Variants in FKBP1A observed in about 807,000 individuals in gnomAD.
FKBP1A encodes peptidyl-prolyl cis-trans isomerase FKBP1A.
In FKBP1A, 5 loss-of-function variants were observed where a neutral mutation model predicts 14.2. That is an observed-to-expected ratio of 0.35 (90% CI 0.18 to 0.74). The LOEUF (loss-of-function observed/expected upper bound fraction) is 0.74, where lower values mean the gene tolerates loss of function less well. Ranked by LOEUF, FKBP1A falls within the 30% of genes least tolerant of loss-of-function variation. The pLI is 0.56. For missense variants in FKBP1A, 53 were observed against 138.8 expected, an observed-to-expected ratio of 0.38 and a Z score of 3.10; for synonymous variants, 42 against 49.1, an observed-to-expected ratio of 0.86 and a Z score of 0.60.
chr20:1,383,431 A>ATTT (rs757687593), intron 2 of FKBP1A, among the ~76,000 whole-genome samples: 8 of 152,160 alleles, frequency 5.3e-5, no homozygotes, highest in Non-Finnish European at 4.4e-5. Flanking sequence ...CCTTCAAAAT[A>ATTT]AAATAAAGTC....
chr20:1,371,915 GCATACACTA>G (rs1174764707), intron 4 of FKBP1A, 152 bp downstream of exon 4: 31 of 1,395,670 alleles, frequency 2.2e-5, no homozygotes, highest in Non-Finnish European at 2.8e-5. Context: ...TACATTCAAA[GCATACACTA>G]ATAACACTGA....
intron 2 of FKBP1A, chr20:1,377,572 A>G (rs1345695038): frequency 6.6e-6 from 1 of 152,190 alleles, no homozygotes; most frequent in African/African-American, 2.4e-5. Context: ...AGTACCTGGG[A>G]GAAAAACAGG....
chr20:1,390,049 C>T lies in FKBP1A; in HGVS notation c.85+2785G>A, dbSNP rs56758984. 4.1e-3 allele frequency among the ~76,000 whole-genome samples: 623 copies of T among 152,232 alleles called. 4 individuals carry two copies. Among genetic ancestry groups the T allele is most frequent in the African/African-American group, 0.014 (594 of 41,544 alleles). ...AGGTCACGGAAGTCACCAGAGGGAC[C>T]CTTGAGAGTGACATCAAGGTGACTG... On this transcript the variant is annotated intron_variant, in intron 2 of 4. Transcript: ENST00000400137.
chr20:1,375,404 A>T, intron 3 of FKBP1A, 87 bp downstream of exon 3: 1 of 949,756 alleles, frequency 1.1e-6, no homozygotes, highest in Admixed American at 2.4e-5. Context: ...CACTTTTTTT[A>T]TTTTTGAACC....
At chr20:1,387,163 C>T (rs955615234) in intron 2 of FKBP1A, among the ~76,000 whole-genome samples, 1 of 151,946 alleles carries the variant, frequency 6.6e-6, no homozygotes, top group Non-Finnish European at 1.5e-5. Context: ...GTTAAAACAT[C>T]TATGAGTAAA....
Position 1,392,950 on chromosome 20 carries a change from G to C in FKBP1A, c.37+12C>G. The C allele has an allele frequency of 6.7e-7, 1 of 1,502,882 alleles. No homozygotes were observed. The highest frequency in any genetic ancestry group is 1.3e-5 in the South Asian group (1 of 78,166). The allele number at this position is 1,502,882 out of a possible 1,614,324, so 93.1% of individuals were successfully genotyped here. A position where few individuals can be genotyped will look rare whatever the true frequency, so the allele number is the denominator to read the frequency against. ...GCAGAGGTACTCCGAGCCGCCGCGC[G>C]CCACTACTCACCGTCTCCTGGGGAG... On this transcript the variant is annotated intron_variant, in intron 1 of 4. Coordinates refer to ENST00000400137, the MANE Select transcript of FKBP1A (RefSeq NM_000801.5).
At chr20:1,375,989 C>T (rs2089537054) in intron 2 of FKBP1A, among the ~76,000 whole-genome samples, 1 of 152,196 alleles carries the variant, frequency 6.6e-6, no homozygotes, top group South Asian at 2.1e-4. Flanking sequence ...CTAGAAGTCA[C>T]ACACAGTGCA....
chr20:1,390,781 A>C (rs1274181438), intron 2 of FKBP1A, among the ~76,000 whole-genome samples: 3 of 152,142 alleles, frequency 2.0e-5, no homozygotes, highest in African/African-American at 7.2e-5. Context: ...GCCTGCTCGA[A>C]AACAGTCTAT....
intron 2 of FKBP1A, among the ~76,000 whole-genome samples, chr20:1,388,448 T>C (rs1250188008): frequency 6.6e-6 from 1 of 152,192 alleles, no homozygotes; most frequent in Non-Finnish European, 1.5e-5. Context: ...GACAACTGGG[T>C]AGTCTCGATA....
Position 1,386,259 on chromosome 20 carries a change from T to G in FKBP1A, c.85+6575A>C, listed in dbSNP as rs1406174310. On this transcript the variant is annotated intron_variant, in intron 2 of 4. Coordinates refer to ENST00000400137, the MANE Select transcript of FKBP1A (RefSeq NM_000801.5). This position sits in a 1 kb window ranked among gnomAD's most constrained non-coding sequence, Gnocchi z 4.7. ...TTCTAGCCTATAGGTGTAGGTTGCC[T>G]GAGGTACTTTCATTGTAACTGACCA... Among the ~76,000 whole-genome samples, 1 of 152,224 alleles carries G rather than the reference T, an allele frequency of 6.6e-6. No homozygotes were observed. The highest frequency in any genetic ancestry group is 1.5e-5 in the Non-Finnish European group (1 of 68,050).
Position 1,369,851 on chromosome 20 carries a change from C to T in FKBP1A, c.*258G>A. The T allele has an allele frequency of 1.6e-6, 1 of 613,524 alleles. No individual in the cohort carries two copies. Among genetic ancestry groups the T allele is most frequent in the Non-Finnish European group, 2.7e-6 (1 of 376,928 alleles). 38.0% of individuals were successfully genotyped at this position (613,524 alleles called of 1,614,324 possible). On this transcript the variant is annotated 3_prime_UTR_variant, in exon 5 of 5. Transcript: ENST00000400137. ...CTGAATCTTCACCCCAAAATGAAAA[C>T]AAAATAAAATGAATAACTTGAGGTT...
intron 2 of FKBP1A, among the ~76,000 whole-genome samples, chr20:1,378,904 A>G (rs2089585959): frequency 6.6e-6 from 1 of 152,236 alleles, no homozygotes; most frequent in South Asian, 2.1e-4. Context: ...GACAATGGGA[A>G]CAGTGTCTCA....
At chr20:1,392,088 T>C (rs2089744714) in intron 2 of FKBP1A, among the ~76,000 whole-genome samples, 1 of 152,238 alleles carries the variant, frequency 6.6e-6, no homozygotes, top group Non-Finnish European at 1.5e-5. Flanking sequence ...TCCAGATGCT[T>C]ATCTTTAAAA....
In FKBP1A at chr20:1,383,171, C is replaced by T. The variant is rs78607621; in HGVS notation, c.86-7568G>A. 7.1e-4 allele frequency among the ~76,000 whole-genome samples: 108 copies of T among 152,200 alleles called. 1 individual carries two copies. The East Asian group carries it at 0.016, about 23-fold the overall frequency. On this transcript the variant is annotated intron_variant, in intron 2 of 4. Transcript: ENST00000400137. The stretch of plus-strand genomic sequence containing the variant: ...TCTGCTTTGGGGAAGGGCAGAGTGC[C>T]ATATACCTTCTACTGGGTAACAGGA...
At chr20:1,370,309 G>A in intron 4 of FKBP1A, 4 of 985,446 alleles carry the variant, frequency 4.1e-6, no homozygotes, top group Non-Finnish European at 2.4e-6. Flanking sequence ...GGTTAAGTTT[G>A]CCTTGCTGAG....
intron 2 of FKBP1A, among the ~76,000 whole-genome samples, chr20:1,384,139 T>C (rs1294562219): frequency 6.6e-6 from 1 of 152,222 alleles, no homozygotes; most frequent in Non-Finnish European, 1.5e-5. Flanking sequence ...CATTCCCATA[T>C]GAGTTCTGTG....
chr20:1,388,907 C>A (rs549335670), intron 2 of FKBP1A, among the ~76,000 whole-genome samples: 1 of 152,154 alleles, frequency 6.6e-6, no homozygotes, highest in East Asian at 1.9e-4. Context: ...TCTAACGCAC[C>A]GGTCTTCTTA....
At chr20:1,371,527 G>A (rs563775262) in intron 4 of FKBP1A, among the ~76,000 whole-genome samples, 2 of 152,280 alleles carry the variant, frequency 1.3e-5, no homozygotes, top group African/African-American at 4.8e-5. Flanking sequence ...TGGCCTGGGG[G>A]CCTCAAGTGT....
intron 2 of FKBP1A, among the ~76,000 whole-genome samples, chr20:1,389,589 G>A (rs1301132090): frequency 1.3e-5 from 2 of 152,178 alleles, no homozygotes; most frequent in Admixed American, 1.3e-4. Context: ...GGGGCTCCTG[G>A]TTTTTCTCAG....
Sources: allele counts gnomAD v4.1 joint callset (sites outside exome capture counted in the v4.1 genomes callset), GRCh38; gene constraint gnomAD v4.1.1; non-coding constraint Gnocchi (gnomAD v3.1); transcripts MANE v1.5; gene names NCBI Gene and HGNC (gene_info 2026-07-23, HGNC 2026-07-21).